ADAMTSL1: variants seen among roughly 807,000 people sequenced by gnomAD.
ADAMTSL1 encodes the protein ADAMTS-like protein 1.
In ADAMTSL1, 126 loss-of-function variants were observed where a neutral mutation model predicts 201.8. The ratio of observed to expected loss-of-function variants is 0.62; its 90% CI spans 0.54 to 0.72. The LOEUF is 0.72. ADAMTSL1 is among the 30% of genes least tolerant of loss of function. The pLI, the probability that ADAMTSL1 is intolerant of heterozygous loss-of-function variation, is 0.00. For synonymous variants in ADAMTSL1, 1,121 were observed against 903.4 expected, an observed-to-expected ratio of 1.24 and a Z score of -4.32; for missense variants, 2,679 against 2,277.8, an observed-to-expected ratio of 1.18 and a Z score of -3.59.
intron 1 of ADAMTSL1, among the ~76,000 whole-genome samples, chr9:18,075,236 G>A (rs1002384416): frequency 2.0e-5 from 3 of 152,072 alleles, no homozygotes; most frequent in Non-Finnish European, 4.4e-5. Context: ...AGTCTAATAA[G>A]AATATTACAA....
At position 18,210,328 on chromosome 9, in the gene ADAMTSL1, GAAC is replaced by G. The variant is rs370215366; in HGVS notation, c.207+46351_207+46353del. The stretch of plus-strand genomic sequence containing the variant: ...AAAATTTTAATTAATTCATTAATAA[GAAC>G]AACTTTTAACATATTACAACTAGCT... On this transcript the variant is annotated intron_variant, in intron 2 of 29. Coordinates refer to the ADAMTSL1 transcript ENST00000680146. Among the ~76,000 whole-genome samples the G allele has an allele frequency of 8.9e-4, 132 of 148,320 alleles. 1 individual carries two copies. The East Asian group carries it at 0.025, about 28-fold the overall frequency.
At chr9:18,705,797 T>G (rs1832194892) in intron 13 of ADAMTSL1, among the ~76,000 whole-genome samples, 1 of 152,182 alleles carries the variant, frequency 6.6e-6, no homozygotes, top group African/African-American at 2.4e-5. Context: ...AGAGCCAGAC[T>G]AAAAAAGAAA....
chr9:18,607,080 A>G (rs536086510), intron 4 of ADAMTSL1, among the ~76,000 whole-genome samples: 2 of 152,310 alleles, frequency 1.3e-5, no homozygotes, highest in African/African-American at 4.8e-5. Flanking sequence ...CACACTCATT[A>G]AAAAGAATTT....
chr9:18,153,842 C>T (rs553566584), intron 1 of ADAMTSL1, among the ~76,000 whole-genome samples: 1 of 152,040 alleles, frequency 6.6e-6, no homozygotes, highest in East Asian at 1.9e-4. Flanking sequence ...TTACAGAAAG[C>T]CATAGGCACT....
At chr9:18,754,707 T>C (rs1819647385) in intron 16 of ADAMTSL1, among the ~76,000 whole-genome samples, 1 of 152,316 alleles carries the variant, frequency 6.6e-6, no homozygotes, top group South Asian at 2.1e-4. Context: ...AGCTGTGGTT[T>C]AGTAAAACAC....
chr9:18,751,076 G>T (rs531383086), intron 15 of ADAMTSL1, among the ~76,000 whole-genome samples: 9 of 152,272 alleles, frequency 5.9e-5, no homozygotes, highest in Admixed American at 5.9e-4. Context: ...GAGCCACTAA[G>T]TCTAGCCCAT....
At chr9:18,616,633 T>C (rs1235015112) in intron 4 of ADAMTSL1, among the ~76,000 whole-genome samples, 2 of 152,224 alleles carry the variant, frequency 1.3e-5, no homozygotes, top group African/African-American at 4.8e-5. Context: ...ACTGCTTATG[T>C]GTTCCTATTT....
intron 12 of ADAMTSL1, 78 bp from the exon 13 acceptor site, chr9:18,684,638 A>C: frequency 6.8e-7 from 1 of 1,477,682 alleles, no homozygotes. Context: ...CTTCTTGGTG[A>C]GGAGAATAAG....
intron 2 of ADAMTSL1, among the ~76,000 whole-genome samples, chr9:18,315,011 T>C (rs1006309542): frequency 1.1e-4 from 16 of 148,930 alleles, no homozygotes; most frequent in Non-Finnish European, 3.0e-5. Flanking sequence ...TTAGCCAGGA[T>C]GGTCTCGATC....
chr9:18,865,485 G>C (rs566666026), intron 23 of ADAMTSL1, among the ~76,000 whole-genome samples: 1 of 152,278 alleles, frequency 6.6e-6, no homozygotes, highest in South Asian at 2.1e-4. Context: ...ATTGTGAATA[G>C]TGCCTCAATA....
chr9:18,048,240 T>C (rs962137017), intron 1 of ADAMTSL1, among the ~76,000 whole-genome samples: 1 of 152,222 alleles, frequency 6.6e-6, no homozygotes, highest in Non-Finnish European at 1.5e-5. Flanking sequence ...ATTTTGTTTA[T>C]TTGTAGTTTG....
At position 18,652,998 on chromosome 9, in the gene ADAMTSL1, A is replaced by G. The variant is rs141596417; in HGVS notation, c.835-4641A>G. Among the ~76,000 whole-genome samples the G allele has an allele frequency of 1.0e-3, 157 of 152,376 alleles. 2 individuals are homozygous for G. In the East Asian group the frequency reaches 0.02, roughly 19 times the overall value. On this transcript the variant is annotated intron_variant, in intron 7 of 28. Transcript: ENST00000380548. ...ACTGTAGGAAAGAGAAGAAGTGAAT[A>G]GTAAGTACTGGTTCATTTTCCTACC...
intron 1 of ADAMTSL1, among the ~76,000 whole-genome samples, chr9:18,130,223 C>T (rs1316239638): frequency 1.6e-4 from 24 of 152,250 alleles, no homozygotes; most frequent in African/African-American, 5.8e-4. Context: ...TTTCACCTCG[C>T]ATTAGTCATT....
chr9:18,137,141 A>G (rs558009256), intron 1 of ADAMTSL1, among the ~76,000 whole-genome samples: 1 of 152,322 alleles, frequency 6.6e-6, no homozygotes, highest in South Asian at 2.1e-4. Flanking sequence ...GGACTGGTCC[A>G]TGCAATGATA....
chr9:18,180,448 G>C (rs1587244668), intron 2 of ADAMTSL1, among the ~76,000 whole-genome samples: 1 of 150,894 alleles, frequency 6.6e-6, no homozygotes, highest in African/African-American at 2.4e-5. Context: ...CAGGAGAATG[G>C]CGTGAACCCG....
At chr9:17,980,385 T>C (rs2131461915) in intron 1 of ADAMTSL1, among the ~76,000 whole-genome samples, 1 of 150,376 alleles carries the variant, frequency 6.6e-6, no homozygotes, top group Middle Eastern at 3.4e-3. Context: ...TTTTGGTCTG[T>C]TTTTTTTTCT....
chr9:18,837,246 A>C (rs1487271824), intron 23 of ADAMTSL1, among the ~76,000 whole-genome samples: 1 of 152,164 alleles, frequency 6.6e-6, no homozygotes, highest in Non-Finnish European at 1.5e-5. Context: ...TCTAAGTTTT[A>C]AGTTAATTTA....
intron 1 of ADAMTSL1, among the ~76,000 whole-genome samples, chr9:17,998,120 T>TA (rs898569775): frequency 1.8e-4 from 28 of 151,806 alleles, no homozygotes; most frequent in South Asian, 8.3e-4. Flanking sequence ...CTTAACAAGC[T>TA]AAAAAAAAGC....
At chr9:18,532,018 A>C (rs975372314) in intron 2 of ADAMTSL1, among the ~76,000 whole-genome samples, 1 of 152,234 alleles carries the variant, frequency 6.6e-6, no homozygotes, top group Admixed American at 6.5e-5. Flanking sequence ...AAATAAATTT[A>C]TACATATAAC....
Sources: gnomAD v4.1 joint callset for allele counts (sites outside exome capture counted in the v4.1 genomes callset) on GRCh38, gnomAD v4.1.1 for gene constraint, MANE v1.5 for transcripts, NCBI Gene and HGNC (gene_info 2026-07-23, HGNC 2026-07-21) for gene names.